Variants in HSD17B4 observed in about 807,000 individuals in gnomAD.
HSD17B4 encodes hydroxysteroid 17-beta dehydrogenase 4.
A neutral mutation model predicts 101.0 loss-of-function variants in HSD17B4; 70 were observed. That is an observed-to-expected ratio of 0.69 (90% CI 0.57 to 0.85). The LOEUF is 0.85. Among genes scored for constraint, HSD17B4 ranks in the 40% least tolerant of loss-of-function variants. The pLI, the probability that HSD17B4 is intolerant of heterozygous loss-of-function variation, is 0.00. For synonymous variants in HSD17B4, 347 were observed against 297.1 expected (o/e 1.17, Z -1.73); for missense variants, 984 against 892.4 (o/e 1.10, Z -1.31).
At chr5:119,497,022 T>A (rs1401628293) in intron 12 of HSD17B4, among the ~76,000 whole-genome samples, 1 of 152,154 alleles carries the variant, frequency 6.6e-6, no homozygotes, top group African/African-American at 2.4e-5. Context: ...TTTTCCCTAA[T>A]GGGAAAGGAG....
chr5:119,472,277 A>T (rs1333066670), intron 2 of HSD17B4, among the ~76,000 whole-genome samples: 1 of 152,194 alleles, frequency 6.6e-6, no homozygotes, highest in East Asian at 1.9e-4. Context: ...TGGAGAAGAT[A>T]TTTCAACATT....
chr5:119,497,209 T>TTG, intron 12 of HSD17B4, among the ~76,000 whole-genome samples: 1 of 151,854 alleles, frequency 6.6e-6, no homozygotes, highest in African/African-American at 2.4e-5. Flanking sequence ...TAGGCTCCAT[T>TTG]GGGGGGTGTG....
chr5:119,536,858 A>T, intron 23 of HSD17B4, among the ~76,000 whole-genome samples: 1 of 152,264 alleles, frequency 6.6e-6, no homozygotes, highest in East Asian at 1.9e-4. Context: ...AATAAATAAG[A>T]TTAAGAAATC....
At position 119,536,487 on chromosome 5, in the gene HSD17B4, A is replaced by C; in HGVS notation, c.2058A>C (p.Thr686=). The C allele has an allele frequency of 6.2e-7, 1 of 1,612,374 alleles. No homozygotes were observed. The highest frequency in any genetic ancestry group is 2.2e-5 in the East Asian group (1 of 44,848). The change falls in exon 23 of 24, where the codon ACA becomes ACC. Residue 686 remains threonine, a synonymous_variant. Coordinates refer to ENST00000510025, the MANE Select transcript of HSD17B4 (RefSeq NM_000414.4). ...YQGPAKGAAD[T]TIILSDEDFM... ...GCCCTGCAAAAGGTGCTGCTGATAC[A>C]ACAATCATACTTTCAGATGAAGATT...
At chr5:119,503,249 A>G (rs1336630494) in intron 14 of HSD17B4, among the ~76,000 whole-genome samples, 3 of 152,056 alleles carry the variant, frequency 2.0e-5, no homozygotes, top group Admixed American at 2.0e-4. Context: ...AGAAATGTGC[A>G]AGATAGGTTT....
intron 2 of HSD17B4, among the ~76,000 whole-genome samples, chr5:119,470,200 T>G (rs1484320254): frequency 1.3e-5 from 2 of 152,076 alleles, no homozygotes; most frequent in Non-Finnish European, 2.9e-5. Context: ...GTCTGTTTTT[T>G]TTTTTGGAGT....
chr5:119,480,840 C>G (rs1749061179), intron 8 of HSD17B4, among the ~76,000 whole-genome samples: 1 of 152,204 alleles, frequency 6.6e-6, no homozygotes, highest in Admixed American at 6.5e-5. Flanking sequence ...TGCGCATTCT[C>G]TTTCTCAGGG....
chr5:119,505,468 T>C (rs1464112505), intron 14 of HSD17B4, among the ~76,000 whole-genome samples: 2 of 152,202 alleles, frequency 1.3e-5, no homozygotes, highest in East Asian at 1.9e-4. Flanking sequence ...ACCACCTTGA[T>C]TAGATGTATT....
In HSD17B4 at chr5:119,478,990, A is replaced by G. The variant is rs2126703123; in HGVS notation, c.591A>G (p.Gly197=). ...GTAACACCATTGCTCCTAATGCGGG[A>G]TCACGGATGACTCAGACAGTTATGC... The part of the protein sequence containing the change: ...IHCNTIAPNA[G]SRMTQTVMPE... The change falls in exon 8 of 24, where the codon GGA becomes GGG. Residue 197 remains glycine, a synonymous_variant. Coordinates refer to ENST00000510025, the MANE Select transcript of HSD17B4 (RefSeq NM_000414.4). 6.2e-7 allele frequency: 1 copy of G among 1,613,684 alleles called. No homozygotes were observed. Among genetic ancestry groups the G allele is most frequent in the African/African-American group, 1.3e-5 (1 of 75,032 alleles).
intron 2 of HSD17B4, among the ~76,000 whole-genome samples, chr5:119,471,864 G>T (rs1408896662): frequency 1.3e-5 from 2 of 151,990 alleles, no homozygotes; most frequent in African/African-American, 4.8e-5. Context: ...TACACTTTAT[G>T]CTAAAATCTG....
chr5:119,530,327 A>G (rs946580020), intron 21 of HSD17B4, among the ~76,000 whole-genome samples: 87 of 152,256 alleles, frequency 5.7e-4, no homozygotes, highest in African/African-American at 2.0e-3. Flanking sequence ...TTCTTGATTT[A>G]AAGGTTTATA....
chr5:119,520,129 C>G (rs1752982660), intron 17 of HSD17B4, among the ~76,000 whole-genome samples: 1 of 151,528 alleles, frequency 6.6e-6, no homozygotes, highest in African/African-American at 2.4e-5. Flanking sequence ...AAAAAAATTA[C>G]CATACATTTT....
chr5:119,510,347 A>G (rs1752059397), intron 16 of HSD17B4, among the ~76,000 whole-genome samples: 1 of 152,236 alleles, frequency 6.6e-6, no homozygotes, highest in South Asian at 2.1e-4. Context: ...TCTCTTATGC[A>G]AGATAATTCT....
rs1471555268 is a variant in HSD17B4 at position 119,531,314 on chromosome 5, C to G, written c.1903C>G (p.Leu635Val). 3.1e-6 allele frequency: 5 copies of G among 1,613,502 alleles called. No individual in the cohort carries two copies. Among genetic ancestry groups the G allele is most frequent in the Non-Finnish European group, 4.2e-6 (5 of 1,179,664 alleles). Residue 635 changes from leucine to valine, a missense_variant, in exon 22 of 24, where the codon CTA becomes GTA. Leu to Val is a conservative substitution (Grantham distance 32, BLOSUM62 1). Coordinates refer to ENST00000510025, the MANE Select transcript of HSD17B4 (RefSeq NM_000414.4). ...TFVFEEIGRR[L>V]KDIGPEVVKK... ...TGTATTTGAGGAAATAGGACGCCGC[C>G]TAAAGGATATTGGGCCTGAGGTGGT...
At chr5:119,530,074 A>T in intron 21 of HSD17B4, 94 bp downstream of exon 21, 1 of 785,870 alleles carries the variant, frequency 1.3e-6, no homozygotes, top group South Asian at 1.4e-5. Flanking sequence ...TAGAAAATTA[A>T]CAACCATGAA....
chr5:119,452,696 GC>G (rs1369626885), intron 1 of HSD17B4, 63 bp downstream of exon 1: 2 of 1,609,170 alleles, frequency 1.2e-6, no homozygotes, highest in African/African-American at 2.7e-5. Flanking sequence ...CTCTTTTCGG[GC>G]CGGCATACGC....
rs558989003 is a variant in HSD17B4 at position 119,477,453 on chromosome 5, A to G, written c.386A>G (p.Gln129Arg). 11 of 1,613,064 alleles carry G rather than the reference A, an allele frequency of 6.8e-6. No individual in the cohort carries two copies. Among genetic ancestry groups the G allele is most frequent in the Middle Eastern group, 1.7e-4 (1 of 6,054 alleles). The change falls in exon 7 of 24, where the codon CAA becomes CGA. Residue 129 changes from glutamine to arginine, a missense_variant. By Grantham distance (43) the Gln-to-Arg change is conservative (BLOSUM62 1). Coordinates refer to ENST00000510025, the MANE Select transcript of HSD17B4 (RefSeq NM_000414.4). ...IHRVHLRGSF[Q>R]VTRAAWEHMK... ...AGAGTTCATTTGCGGGGTTCATTCC[A>G]AGTGACACGGGCAGCATGGGAACAC... is the stretch of plus-strand genomic sequence containing the variant.
intron 2 of HSD17B4, among the ~76,000 whole-genome samples, chr5:119,470,718 A>C (rs1756281355): frequency 6.6e-6 from 1 of 152,130 alleles, no homozygotes; most frequent in Admixed American, 6.5e-5. Context: ...GTTCTCTCTT[A>C]GACATTCTAC....
chr5:119,507,798 AT>A (rs1751798950), intron 15 of HSD17B4, among the ~76,000 whole-genome samples: 1 of 150,308 alleles, frequency 6.7e-6, no homozygotes, highest in African/African-American at 2.5e-5. Context: ...AAAAAAAAAA[AT>A]TTGTACATTT....
Sources: gnomAD v4.1 joint callset for allele counts (sites outside exome capture counted in the v4.1 genomes callset) on GRCh38, gnomAD v4.1.1 for gene constraint, MANE v1.5 for transcripts, NCBI Gene and HGNC (gene_info 2026-07-23, HGNC 2026-07-21) for gene names.